TNIK: variants seen among roughly 807,000 people sequenced by gnomAD.
The protein encoded by TNIK is TRAF2 and NCK-interacting protein kinase.
Under a neutral mutation model 191.3 loss-of-function variants are expected in TNIK, and 49 were observed. The ratio of observed to expected loss-of-function variants is 0.26; its 90% CI spans 0.20 to 0.32. The LOEUF (loss-of-function observed/expected upper bound fraction) is 0.32. TNIK is among the 10% of genes least tolerant of loss of function. The pLI, the probability that TNIK is intolerant of heterozygous loss-of-function variation, is 1.00. For synonymous variants in TNIK, 594 were observed against 600.9 expected (o/e 0.99, Z 0.17); for missense variants, 1,155 against 1,702.3 (o/e 0.68, Z 5.66).
At chr3:171,421,282 C>T (rs554198364) in intron 1 of TNIK, among the ~76,000 whole-genome samples, 4 of 152,320 alleles carry the variant, frequency 2.6e-5, no homozygotes, top group South Asian at 2.1e-4. Context: ...CACACACACA[C>T]ATGCACATAC....
At chr3:171,343,946 C>G (rs1450326713) in intron 2 of TNIK, among the ~76,000 whole-genome samples, 2 of 152,168 alleles carry the variant, frequency 1.3e-5, no homozygotes, top group African/African-American at 4.8e-5. Context: ...AATTTACAAA[C>G]CAAGCCTTCG....
intron 2 of TNIK, among the ~76,000 whole-genome samples, chr3:171,230,713 T>A (rs1262945999): frequency 6.6e-6 from 1 of 152,192 alleles, no homozygotes; most frequent in Non-Finnish European, 1.5e-5. Context: ...CAGTACTCTG[T>A]CCTCTGATAC....
intron 2 of TNIK, among the ~76,000 whole-genome samples, chr3:171,249,338 A>G (rs1201074415): frequency 2.0e-5 from 3 of 152,212 alleles, no homozygotes; most frequent in African/African-American, 7.2e-5. Context: ...ACCTTTAGGC[A>G]TACATCCAAA....
intron 2 of TNIK, among the ~76,000 whole-genome samples, chr3:171,296,876 T>C (rs1166834417): frequency 3.3e-5 from 5 of 152,226 alleles, no homozygotes; most frequent in Non-Finnish European, 7.3e-5. Context: ...GTAGAAAATA[T>C]ATTGAGTATT....
intron 2 of TNIK, among the ~76,000 whole-genome samples, chr3:171,311,197 G>A (rs7646454): frequency 0.038 from 5,850 of 152,156 alleles, 148 homozygotes; most frequent in Middle Eastern, 0.061. Flanking sequence ...GTTAATAGAC[G>A]GGAAAGAAAA....
intron 2 of TNIK, among the ~76,000 whole-genome samples, chr3:171,352,219 A>G (rs1713318074): frequency 6.6e-6 from 1 of 152,178 alleles, no homozygotes; most frequent in Admixed American, 6.5e-5. Context: ...GATTTTTTGA[A>G]AGGTTCATCC....
intron 28 of TNIK, among the ~76,000 whole-genome samples, chr3:171,072,479 A>G (rs1447327166): frequency 1.3e-5 from 2 of 152,188 alleles, no homozygotes; most frequent in African/African-American, 2.4e-5. Flanking sequence ...CCAACATCAT[A>G]CTGAATGGGA....
At chr3:171,434,963 T>C (rs929134262) in intron 1 of TNIK, among the ~76,000 whole-genome samples, 2 of 152,084 alleles carry the variant, frequency 1.3e-5, no homozygotes, top group African/African-American at 2.4e-5. Flanking sequence ...GCTTAAACAA[T>C]GTGGAAATTG....
intron 1 of TNIK, among the ~76,000 whole-genome samples, chr3:171,433,937 C>CTTTTTT (rs67036993): frequency 1.4e-5 from 1 of 71,114 alleles, no homozygotes; most frequent in Non-Finnish European, 2.5e-5. Context: ...TTTCTTTTTC[C>CTTTTTT]TTTTTTTTTT....
rs377530882 is a variant in TNIK, at chr3:171,087,504, C to T, written c.2724G>A (p.Thr908=). The change falls in exon 24 of 33, where the codon ACG becomes ACA. Residue 908 remains threonine (T), a splice_region_variant and synonymous_variant. Transcript: ENST00000436636. The part of the protein sequence containing the change: ...SREGTLMIRE[T]SGEKKRSGHS... ...GGCCAGATCGCTTCTTCTCTCCAGA[C>T]GTCTGAGGGAGCACAGCACGTGGGA... 186 of 1,613,426 alleles carry T rather than the reference C, an allele frequency of 1.2e-4. 1 individual carries two copies. The highest frequency in any genetic ancestry group is 1.1e-3 in the South Asian group (99 of 91,062).
At chr3:171,212,871 A>G (rs1741004385) in intron 3 of TNIK, among the ~76,000 whole-genome samples, 1 of 150,866 alleles carries the variant, frequency 6.6e-6, no homozygotes, top group Non-Finnish European at 1.5e-5. Flanking sequence ...ATTTACTAAA[A>G]TAAGCTTTAG....
At chr3:171,328,697 A>G (rs547530890) in intron 2 of TNIK, among the ~76,000 whole-genome samples, 2 of 152,356 alleles carry the variant, frequency 1.3e-5, no homozygotes, top group South Asian at 4.1e-4. Context: ...AATTAAAATG[A>G]TTTGAGATTT....
intron 2 of TNIK, among the ~76,000 whole-genome samples, chr3:171,229,478 T>C (rs1743349343): frequency 6.6e-6 from 1 of 152,234 alleles, no homozygotes; most frequent in African/African-American, 2.4e-5. Context: ...GTAGTTGAAG[T>C]TGGTGAAAAT....
chr3:171,430,632 G>T lies in TNIK; in HGVS notation c.57+29375C>A, dbSNP rs139880108. ...CAGCCCTGGCCCAGAGTGACACCTTGTCTCAAAAAACAGACAAAAAAAAAA... is the reference window on the plus strand; with the variant it reads ...CAGCCCTGGCCCAGAGTGACACCTTTTCTCAAAAAACAGACAAAAAAAAAA... On this transcript the variant is annotated intron_variant, in intron 1 of 32. Transcript: ENST00000436636. 8.1e-3 allele frequency among the ~76,000 whole-genome samples: 947 copies of T among 116,476 alleles called. 12 individuals are homozygous for T. Among genetic ancestry groups the T allele is most frequent in the African/African-American group, 0.03 (895 of 30,334 alleles). 76.4% of individuals were successfully genotyped at this position (116,476 alleles called of 152,430 possible).
chr3:171,420,498 T>C lies in TNIK; in HGVS notation c.57+39509A>G, dbSNP rs184325879. Among the ~76,000 whole-genome samples, 8 of 152,252 alleles carry C rather than the reference T, an allele frequency of 5.3e-5. No individual in the cohort carries two copies. In the East Asian group the frequency reaches 1.5e-3, roughly 29 times the overall value. ...AGGACATGAGAGTTCTATTCCCAGC[T>C]ATACCACAGAATAGCTATGAGTGCA... On this transcript the variant is annotated intron_variant, in intron 1 of 32. Transcript: ENST00000436636.
chr3:171,311,844 CT>C (rs751072224), intron 2 of TNIK, among the ~76,000 whole-genome samples: 1 of 152,008 alleles, frequency 6.6e-6, no homozygotes, highest in Non-Finnish European at 1.5e-5. Flanking sequence ...ATCAACTTTC[CT>C]GTAATTCAGA....
At chr3:171,129,416 G>T (rs374056474) in intron 15 of TNIK, among the ~76,000 whole-genome samples, 1 of 152,198 alleles carries the variant, frequency 6.6e-6, no homozygotes, top group Non-Finnish European at 1.5e-5. Flanking sequence ...CTTAATGCGC[G>T]TGGCGTGTTT....
chr3:171,139,434 C>T (rs1453923535), intron 14 of TNIK, 36 bp downstream of exon 14: 1 of 1,578,710 alleles, frequency 6.3e-7, no homozygotes, highest in Non-Finnish European at 8.7e-7. Context: ...AAGATGAACA[C>T]AGAGCAGGTC....
chr3:171,416,999 G>A (rs540659494), intron 1 of TNIK, among the ~76,000 whole-genome samples: 26 of 152,170 alleles, frequency 1.7e-4, no homozygotes, highest in African/African-American at 4.8e-4. Flanking sequence ...TTGAATTTTC[G>A]AAATTACTGT....
Sources: allele counts gnomAD v4.1 joint callset (sites outside exome capture counted in the v4.1 genomes callset), GRCh38; gene constraint gnomAD v4.1.1; transcripts MANE v1.5; gene names NCBI Gene and HGNC (gene_info 2026-07-23, HGNC 2026-07-21).